Variants in CFDP1 observed in about 807,000 individuals in gnomAD.
The protein encoded by CFDP1 is chromatin remodeling protein CFDP1.
CFDP1 carries 31 observed loss-of-function variants against 40.1 expected under a neutral mutation model. The ratio of observed to expected loss-of-function variants is 0.77; its 90% CI spans 0.58 to 1.04. The LOEUF is 1.04. Among genes scored for constraint, CFDP1 ranks in the 50% least tolerant of loss-of-function variants. CFDP1 has a pLI of 0.00. For missense variants in CFDP1, 423 were observed against 343.4 expected (o/e 1.23, Z -1.83); for synonymous variants, 167 against 120.0 (o/e 1.39, Z -2.56).
intron 5 of CFDP1, among the ~76,000 whole-genome samples, chr16:75,337,887 G>T (rs1005339832): frequency 5.3e-5 from 8 of 152,144 alleles, no homozygotes; most frequent in African/African-American, 1.9e-4. Context: ...TCAGCACTTG[G>T]GAGGAGTTTG....
intron 5 of CFDP1, among the ~76,000 whole-genome samples, chr16:75,322,342 T>A (rs1252252324): frequency 6.6e-6 from 1 of 152,240 alleles, no homozygotes; most frequent in Non-Finnish European, 1.5e-5. Flanking sequence ...TCCCACTTAA[T>A]AAATTTTTAT....
chr16:75,387,018 C>T (rs978462162), intron 5 of CFDP1, among the ~76,000 whole-genome samples: 1 of 152,164 alleles, frequency 6.6e-6, no homozygotes, highest in Non-Finnish European at 1.5e-5. Flanking sequence ...TCTGTACCTG[C>T]AATACCTATA....
At chr16:75,324,302 G>A (rs1482879135) in intron 5 of CFDP1, among the ~76,000 whole-genome samples, 3 of 152,072 alleles carry the variant, frequency 2.0e-5, no homozygotes, top group African/African-American at 7.2e-5. Flanking sequence ...AGTCCACAAC[G>A]AGGCAACAGG....
chr16:75,322,166 T>A (rs952670471), intron 5 of CFDP1, among the ~76,000 whole-genome samples: 1 of 152,224 alleles, frequency 6.6e-6, no homozygotes. Context: ...TGGTCATGCA[T>A]ACATTTTGTA....
intron 5 of CFDP1, among the ~76,000 whole-genome samples, chr16:75,307,716 G>A (rs1387213171): frequency 6.6e-6 from 1 of 151,974 alleles, no homozygotes; most frequent in Non-Finnish European, 1.5e-5. Flanking sequence ...GTGCCACCAC[G>A]TTCAACTATC....
At chr16:75,335,649 C>T (rs1371877304) in intron 5 of CFDP1, among the ~76,000 whole-genome samples, 5 of 151,692 alleles carry the variant, frequency 3.3e-5, no homozygotes, top group East Asian at 1.9e-4. Flanking sequence ...CTCCGCCTCC[C>T]GGGTTCACGC....
intron 5 of CFDP1, among the ~76,000 whole-genome samples, chr16:75,330,885 A>G (rs776088476): frequency 2.0e-5 from 3 of 151,614 alleles, no homozygotes; most frequent in African/African-American, 4.8e-5. Context: ...AAGTAGCACA[A>G]TTTGCTATTA....
At chr16:75,331,648 T>A (rs534274035) in intron 5 of CFDP1, among the ~76,000 whole-genome samples, 1 of 152,362 alleles carries the variant, frequency 6.6e-6, no homozygotes, top group Admixed American at 6.5e-5. Context: ...ATTTTTTTCT[T>A]TTGTGTCTGG....
intron 1 of CFDP1, chr16:75,419,123 A>G: frequency 2.7e-6 from 1 of 369,896 alleles, no homozygotes; most frequent in Non-Finnish European, 5.5e-6. Flanking sequence ...AAATAATAAT[A>G]AAAAAAGATC....
intron 5 of CFDP1, among the ~76,000 whole-genome samples, chr16:75,319,749 C>T (rs2078349132): frequency 6.6e-6 from 1 of 152,166 alleles, no homozygotes; most frequent in Non-Finnish European, 1.5e-5. Context: ...AGCGTTCCCC[C>T]TGTGGTGCCA....
At chr16:75,409,527 T>TC (rs2079137207) in intron 4 of CFDP1, 1 of 152,230 alleles carries the variant, frequency 6.6e-6, no homozygotes, top group East Asian at 1.9e-4. Flanking sequence ...ATTGTGTTTT[T>TC]AGAAAAGTAC....
At chr16:75,432,074 G>A (rs549906558) in intron 1 of CFDP1, among the ~76,000 whole-genome samples, 2 of 151,504 alleles carry the variant, frequency 1.3e-5, no homozygotes, top group South Asian at 4.2e-4. Flanking sequence ...ACCATGCCCA[G>A]CTAATTTTTG....
At chr16:75,331,102 T>C (rs1263688417) in intron 5 of CFDP1, among the ~76,000 whole-genome samples, 1 of 152,188 alleles carries the variant, frequency 6.6e-6, no homozygotes, top group Non-Finnish European at 1.5e-5. Context: ...ACCTGCCCTG[T>C]TCCAGTGGGG....
At chr16:75,379,568 A>C (rs920919458) in intron 5 of CFDP1, among the ~76,000 whole-genome samples, 4 of 152,236 alleles carry the variant, frequency 2.6e-5, no homozygotes, top group Non-Finnish European at 5.9e-5. Context: ...CCAAAAAGGA[A>C]ATCTCTAGAT....
At chr16:75,432,438 C>G (rs1340697943) in intron 1 of CFDP1, among the ~76,000 whole-genome samples, 1 of 104,594 alleles carries the variant, frequency 9.6e-6, no homozygotes, top group Non-Finnish European at 2.3e-5. Flanking sequence ...GCAGTCCCAG[C>G]TACTCCAGAG....
intron 4 of CFDP1, among the ~76,000 whole-genome samples, chr16:75,397,614 A>G (rs928476379): frequency 5.3e-5 from 8 of 152,098 alleles, no homozygotes; most frequent in African/African-American, 1.9e-4. Context: ...CAGCCAGGCC[A>G]ACATGGTGAA....
At chr16:75,308,009 G>A (rs72804141) in intron 5 of CFDP1, among the ~76,000 whole-genome samples, 8,447 of 152,264 alleles carry the variant, frequency 0.055, 285 homozygotes, top group Middle Eastern at 0.11. Context: ...TTCAGCTGCA[G>A]CTGCACTAGA....
chr16:75,309,179 C>T (rs1198951566), intron 5 of CFDP1, among the ~76,000 whole-genome samples: 8 of 152,268 alleles, frequency 5.3e-5, no homozygotes, highest in African/African-American at 9.6e-5. Context: ...CTGAGCCCTC[C>T]CACTCACTCT....
At chr16:75,299,676 G>C (rs1438605827) in intron 6 of CFDP1, among the ~76,000 whole-genome samples, 1 of 152,066 alleles carries the variant, frequency 6.6e-6, no homozygotes, top group African/African-American at 2.4e-5. Context: ...TGGGTGTTTA[G>C]ACACTGCCAT....
Sources: allele counts gnomAD v4.1 joint callset (sites outside exome capture counted in the v4.1 genomes callset), GRCh38; gene constraint gnomAD v4.1.1; transcripts MANE v1.5; gene names NCBI Gene and HGNC (gene_info 2026-07-23, HGNC 2026-07-21).